MUC17: variants seen among roughly 807,000 people sequenced by gnomAD.
MUC17 encodes mucin 17, cell surface associated.
MUC17 carries 190 observed loss-of-function variants against 170.3 expected under a neutral mutation model. That is an observed-to-expected ratio of 1.12 (90% CI 0.99 to 1.26). The LOEUF (loss-of-function observed/expected upper bound fraction) is 1.26, where lower values mean the gene tolerates loss of function less well. Among genes scored for constraint, MUC17 ranks in the 50% most tolerant of loss-of-function variants. MUC17 has a pLI of 0.00. For synonymous variants in MUC17, 2,325 were observed against 2,002.5 expected (o/e 1.16, Z -4.30); for missense variants, 6,415 against 5,530.0 (o/e 1.16, Z -5.08).
At position 101,037,766 on chromosome 7, in the gene MUC17, C is replaced by T. The variant is rs562408589; in HGVS notation, c.6350C>T (p.Pro2117Leu). ...CTCAGCACCACGCCGGTGGCCAGTC[C>T]TGAGGCTAGCACCCTTTCAACAACT... is the stretch of plus-strand genomic sequence containing the variant. ...IPLSTTPVAS[P>L]EASTLSTTPV... is the part of the protein sequence containing the mutation. Residue 2117 changes from proline (P) to leucine (L), a missense_variant, in exon 3 of 13, where the codon CCT becomes CTT. Coordinates refer to ENST00000306151, the MANE Select transcript of MUC17 (RefSeq NM_001040105.2). 313 of 1,613,508 alleles carry T rather than the reference C, an allele frequency of 1.9e-4. No individual in the cohort carries two copies. The East Asian group carries it at 6.9e-3, about 35-fold the overall frequency.
At position 101,037,967 on chromosome 7, in the gene MUC17, C is replaced by T. The variant is rs200626179; in HGVS notation, c.6551C>T (p.Thr2184Ile). ...ASSAISTLST[T>I]PVDTSTPVTN... ...TCTGCAATCAGCACCCTTTCAACAACTCCTGTTGACACCAGCACACCTGTG... is the reference window on the plus strand; with the variant it reads ...TCTGCAATCAGCACCCTTTCAACAATTCCTGTTGACACCAGCACACCTGTG... The change falls in exon 3 of 13, where the codon ACT (threonine) becomes ATT (isoleucine). Residue 2184 changes from threonine to isoleucine, a missense_variant. Transcript: ENST00000306151. 15 of 1,608,540 alleles carry T rather than the reference C, an allele frequency of 9.3e-6. No homozygotes were observed. Among genetic ancestry groups the T allele is most frequent in the Non-Finnish European group, 1.3e-5 (15 of 1,176,716 alleles).
At chr7:101,052,529 G>A (rs1001353316) in intron 9 of MUC17, among the ~76,000 whole-genome samples, 2 of 152,186 alleles carry the variant, frequency 1.3e-5, no homozygotes, top group African/African-American at 4.8e-5. Flanking sequence ...GGGAAGAAAG[G>A]AACAGGGCTT....
Position 101,038,818 on chromosome 7 carries a change from G to C in MUC17, c.7402G>C (p.Val2468Leu), listed in dbSNP as rs372933320. ...AAGTATGCCTGTCAGCACCACGCCG[G>C]TGGTCAGTTCTGAGGCTGGCACCCT... ...LASMPVSTTP[V>L]VSSEAGTLST... Residue 2468 changes from valine to leucine, a missense_variant, in exon 3 of 13, where the codon GTG becomes CTG. Physicochemically the swap from Val to Leu is conservative, Grantham distance 32. Transcript: ENST00000306151. 3.3e-5 allele frequency: 53 copies of C among 1,612,008 alleles called. No individual in the cohort carries two copies. Among genetic ancestry groups the C allele is most frequent in the Non-Finnish European group, 4.4e-5 (52 of 1,179,296 alleles).
intron 1 of MUC17, among the ~76,000 whole-genome samples, chr7:101,023,834 C>T (rs1794135775): frequency 1.3e-5 from 2 of 152,144 alleles, no homozygotes; most frequent in South Asian, 4.1e-4. Flanking sequence ...TGATTTACTT[C>T]CTGTCAGCAA....
rs61212508 is a variant in MUC17, at chr7:101,049,277, G to A, written c.12664-47G>A. On this transcript the variant is annotated intron_variant, in intron 5 of 12. Transcript: ENST00000306151. ...GTGACCTCCTGATGTCCCACAGAACGGCCCCGTGGTCCCTCTGGGATGACA... is the reference window on the plus strand; with the variant it reads ...GTGACCTCCTGATGTCCCACAGAACAGCCCCGTGGTCCCTCTGGGATGACA... The A allele has an allele frequency of 5.7e-3, 9,270 of 1,613,204 alleles. 333 individuals carry two copies. In the African/African-American group the frequency reaches 0.09, roughly 16 times the overall value.
chr7:101,043,047 A>T lies in MUC17; in HGVS notation c.11631A>T (p.Thr3877=). ...CCAGTGAAAGAAGCACTCCATTAAC[A>T]ACTCTCCTTGTCAGCACCACACTTC... The part of the protein sequence containing the change: ...SITSERSTPL[T]TLLVSTTLPT... Residue 3877 remains threonine, a synonymous_variant, in exon 3 of 13, where the codon ACA becomes ACT. Transcript: ENST00000306151. The T allele has an allele frequency of 6.2e-7, 1 of 1,614,030 alleles. No individual in the cohort carries two copies. Among genetic ancestry groups the T allele is most frequent in the South Asian group, 1.1e-5 (1 of 91,070 alleles).
At position 101,035,381 on chromosome 7, in the gene MUC17, C is replaced by A; in HGVS notation, c.3965C>A (p.Ala1322Asp). 1.2e-6 allele frequency: 2 copies of A among 1,606,400 alleles called. No individual in the cohort carries two copies. Among genetic ancestry groups the A allele is most frequent in the Non-Finnish European group, 1.7e-6 (2 of 1,175,050 alleles). ...SNEVSSSPTP[A>D]EGTSMPTSTY... ...GAAGTCAGTTCATCTCCTACACCTG[C>A]TGAAGGTACCAGCATGCCAACCTCA... Residue 1322 changes from alanine (A) to aspartate (D), a missense_variant, in exon 3 of 13, where the codon GCT (alanine) becomes GAT (aspartate). By Grantham distance (126) the Ala-to-Asp change is moderately radical. Transcript: ENST00000306151.
Position 101,034,819 on chromosome 7 carries a change from TCTA to T in MUC17, c.3406_3408del (p.Thr1136del), listed in dbSNP as rs1465026157. On this transcript the variant is annotated inframe_deletion, in exon 3 of 13. Coordinates refer to ENST00000306151, the MANE Select transcript of MUC17 (RefSeq NM_001040105.2). ...CGACACCAGCATACCTGTCACCACT[TCTA>T]CTGAAGCCAGTTCATCTCCTACAAC... 6.2e-7 allele frequency: 1 copy of T among 1,607,644 alleles called. No individual in the cohort carries two copies. Among genetic ancestry groups the T allele is most frequent in the African/African-American group, 1.3e-5 (1 of 74,466 alleles).
At chr7:101,050,845 T>C (rs540455419) in intron 7 of MUC17, among the ~76,000 whole-genome samples, 1 of 152,210 alleles carries the variant, frequency 6.6e-6, no homozygotes, top group African/African-American at 2.4e-5. Flanking sequence ...GGCCCATTTT[T>C]TTCCCTGGGG....
At position 101,032,188 on chromosome 7, in the gene MUC17, ACAACTG is replaced by A. The variant is rs1794301353; in HGVS notation, c.774_779del (p.Thr259_Ala260del). On this transcript the variant is annotated inframe_deletion, in exon 3 of 13. Transcript: ENST00000306151. ...TTCTGCTCAAGCCAGTTCATCTCCT[ACAACTG>A]CTGAAGGTCCCAGCCTGTCAAACTC... 6.2e-7 allele frequency: 1 copy of A among 1,614,198 alleles called. No homozygotes were observed. The highest frequency in any genetic ancestry group is 8.5e-7 in the Non-Finnish European group (1 of 1,180,026).
In MUC17 at chr7:101,056,275, G is replaced by C. The variant is rs749772317; in HGVS notation, c.13440+5G>C. On this transcript the variant is annotated splice_donor_5th_base_variant and intron_variant, in intron 12 of 12. Coordinates refer to ENST00000306151, the MANE Select transcript of MUC17 (RefSeq NM_001040105.2). The stretch of plus-strand genomic sequence containing the variant: ...CACATAGACCCTGAAACAAAGGTAA[G>C]AAGGGCCTGGATGGGATGCTGGCCT... 1 of 1,613,618 alleles carries C rather than the reference G, an allele frequency of 6.2e-7. No individual in the cohort carries two copies. Among genetic ancestry groups the C allele is most frequent in the East Asian group, 2.2e-5 (1 of 44,868 alleles).
chr7:101,036,614 C>G lies in MUC17; in HGVS notation c.5198C>G (p.Thr1733Ser). The G allele has an allele frequency of 6.2e-7, 1 of 1,613,304 alleles. No individual in the cohort carries two copies. Among genetic ancestry groups the G allele is most frequent in the Non-Finnish European group, 8.5e-7 (1 of 1,179,600 alleles). The change falls in exon 3 of 13, where the codon ACT becomes AGT. Residue 1733 changes from threonine (T) to serine (S), a missense_variant. Physicochemically the swap from Thr to Ser is moderately conservative, Grantham distance 58. Coordinates refer to ENST00000306151, the MANE Select transcript of MUC17 (RefSeq NM_001040105.2). ...TSTEARSSPT[T>S]SEGTSMPNST... is the part of the protein sequence containing the mutation. ...ACTGAAGCCCGTTCATCTCCTACAA[C>G]TTCTGAAGGTACCAGCATGCCAAAC...
intron 12 of MUC17, among the ~76,000 whole-genome samples, chr7:101,057,749 G>A (rs1432400496): frequency 4.6e-5 from 7 of 152,098 alleles, no homozygotes; most frequent in Non-Finnish European, 8.8e-5. Context: ...GTGTGGTTGT[G>A]TGCACATGTA....
chr7:101,053,897 A>AAAAAAAT (rs762881435), intron 11 of MUC17, among the ~76,000 whole-genome samples: 2,195 of 150,068 alleles, frequency 0.015, 32 homozygotes, highest in Middle Eastern at 0.021. Flanking sequence ...AAAAAAAAGA[A>AAAAAAAT]AAAAAATTTT....
intron 1 of MUC17, among the ~76,000 whole-genome samples, chr7:101,027,192 AT>A (rs1206110285): frequency 2.6e-5 from 4 of 151,920 alleles, no homozygotes; most frequent in Admixed American, 6.6e-5. Context: ...AAAAGAAATT[AT>A]ATTATATTAT....
chr7:101,035,631 C>A lies in MUC17; in HGVS notation c.4215C>A (p.Thr1405=). 2 of 1,612,994 alleles carry A rather than the reference C, an allele frequency of 1.2e-6. No homozygotes were observed. The highest frequency in any genetic ancestry group is 1.7e-6 in the Non-Finnish European group (2 of 1,179,294). ...CGTTAACAAGTATACCTGTCAGCACCACGCCGGTAGTCAGTTCTGAGGCTA... is the reference window on the plus strand; with the variant it reads ...CGTTAACAAGTATACCTGTCAGCACAACGCCGGTAGTCAGTTCTGAGGCTA... The part of the protein sequence containing the change: ...TTPLTSIPVS[T]TPVVSSEAST... Residue 1405 remains threonine (T), a synonymous_variant, in exon 3 of 13, where the codon ACC becomes ACA. Coordinates refer to ENST00000306151, the MANE Select transcript of MUC17 (RefSeq NM_001040105.2).
Position 101,038,887 on chromosome 7 carries a change from A to C in MUC17, c.7471A>C (p.Thr2491Pro). The part of the protein sequence containing the change: ...VDTSTPMTTS[T>P]EASSSPTTAE... ...CACCAGCACACCTATGACCACTTCT[A>C]CTGAAGCCAGTTCATCTCCTACAAC... The change falls in exon 3 of 13, where the codon ACT (threonine) becomes CCT (proline). Residue 2491 changes from threonine (T) to proline (P), a missense_variant. Transcript: ENST00000306151. 1 of 1,613,894 alleles carries C rather than the reference A, an allele frequency of 6.2e-7. No homozygotes were observed. Among genetic ancestry groups the C allele is most frequent in the Non-Finnish European group, 8.5e-7 (1 of 1,179,962 alleles).
chr7:101,052,440 G>A (rs1403726634), intron 9 of MUC17, among the ~76,000 whole-genome samples: 8 of 152,190 alleles, frequency 5.3e-5, no homozygotes, highest in Non-Finnish European at 8.8e-5. Context: ...TCAGGTGCGG[G>A]AAGAAGCCAC....
Position 101,043,049 on chromosome 7 carries a change from C to A in MUC17, c.11633C>A (p.Thr3878Asn). ...AGTGAAAGAAGCACTCCATTAACAACTCTCCTTGTCAGCACCACACTTCCA... is the reference window on the plus strand; with the variant it reads ...AGTGAAAGAAGCACTCCATTAACAAATCTCCTTGTCAGCACCACACTTCCA... ...ITSERSTPLTTLLVSTTLPTS... is the reference protein window; with the variant it reads ...ITSERSTPLTNLLVSTTLPTS... Residue 3878 changes from threonine to asparagine, a missense_variant, in exon 3 of 13, where the codon ACT becomes AAT. Physicochemically the swap from Thr to Asn is moderately conservative, Grantham distance 65. Transcript: ENST00000306151. 6.2e-7 allele frequency: 1 copy of A among 1,614,222 alleles called. No individual in the cohort carries two copies. Among genetic ancestry groups the A allele is most frequent in the East Asian group, 2.2e-5 (1 of 44,894 alleles).
Sources: gnomAD v4.1 joint callset for allele counts (sites outside exome capture counted in the v4.1 genomes callset) on GRCh38, gnomAD v4.1.1 for gene constraint, MANE v1.5 for transcripts, NCBI Gene and HGNC (gene_info 2026-07-23, HGNC 2026-07-21) for gene names.